IL1R2: variants seen among roughly 807,000 people sequenced by gnomAD.
IL1R2 encodes the protein interleukin 1 receptor type 2, also known as interleukin-1 receptor type 2.
A neutral mutation model predicts 39.5 loss-of-function variants in IL1R2; 46 were observed. That is an observed-to-expected ratio of 1.16 (90% CI 0.92 to 1.49). IL1R2 has a LOEUF of 1.49. Among genes scored for constraint, IL1R2 ranks in the 40% most tolerant of loss-of-function variants. The pLI is 0.00. For missense variants in IL1R2, 537 were observed against 502.0 expected (o/e 1.07, Z -0.67); for synonymous variants, 207 against 189.6 (o/e 1.09, Z -0.75).
At chr2:102,020,040 T>C (rs1229179877) in intron 5 of IL1R2, among the ~76,000 whole-genome samples, 1 of 152,176 alleles carries the variant, frequency 6.6e-6, no homozygotes, top group Admixed American at 6.5e-5. Context: ...GGGAAGGTTA[T>C]AGGGTTGCAA....
At chr2:102,008,760 C>T (rs572880771) in intron 2 of IL1R2, 118 bp downstream of exon 2, 10 of 833,094 alleles carry the variant, frequency 1.2e-5, no homozygotes, top group East Asian at 1.0e-4. Context: ...CGGTGGCTGC[C>T]GGCTGTAATG....
At chr2:102,017,355 C>G (rs1410290896) in intron 4 of IL1R2, among the ~76,000 whole-genome samples, 1 of 150,042 alleles carries the variant, frequency 6.7e-6, no homozygotes, top group Non-Finnish European at 1.5e-5. Flanking sequence ...CAAGATCACG[C>G]CATTGCACTC....
At chr2:102,003,092 GTCTATGT>G in intron 1 of IL1R2, among the ~76,000 whole-genome samples, 1 of 117,996 alleles carries the variant, frequency 8.5e-6, no homozygotes, top group African/African-American at 2.6e-5. Context: ...CCGTGTCTGT[GTCTATGT>G]CTGTGTCTAT....
intron 3 of IL1R2, among the ~76,000 whole-genome samples, chr2:102,013,554 G>GAAAAAAAAAA (rs1577711343): frequency 2.8e-4 from 9 of 31,628 alleles, no homozygotes; most frequent in South Asian, 1.1e-3. Flanking sequence ...AAAAAAAAAG[G>GAAAAAAAAAA]AAAGAAAGAA....
intron 3 of IL1R2, among the ~76,000 whole-genome samples, chr2:102,012,622 A>C (rs188659920): frequency 6.6e-6 from 1 of 152,210 alleles, no homozygotes; most frequent in East Asian, 1.9e-4. Context: ...ACTACCATCC[A>C]TATGTCTAGC....
At chr2:101,992,748 CAGAG>C (rs537740781) in intron 1 of IL1R2, among the ~76,000 whole-genome samples, 1 of 151,252 alleles carries the variant, frequency 6.6e-6, no homozygotes, top group Admixed American at 6.6e-5. Context: ...AACACAGAGA[CAGAG>C]AGAGAGAGAC....
At chr2:101,995,729 T>C (rs1036644886) in intron 1 of IL1R2, among the ~76,000 whole-genome samples, 4 of 152,216 alleles carry the variant, frequency 2.6e-5, no homozygotes, top group African/African-American at 9.6e-5. Context: ...TTGCTCATGC[T>C]ACAGCATCGT....
chr2:102,014,803 T>C (rs1488736380), intron 3 of IL1R2, among the ~76,000 whole-genome samples: 1 of 151,794 alleles, frequency 6.6e-6, no homozygotes, highest in Admixed American at 6.6e-5. Context: ...TTTTTATATT[T>C]TTCTACTTAA....
intron 8 of IL1R2, 96 bp from the exon 9 acceptor site, chr2:102,028,130 T>C (rs1301832280): frequency 2.8e-6 from 3 of 1,071,278 alleles, no homozygotes; most frequent in Non-Finnish European, 3.8e-6. Context: ...AAAAACAAAC[T>C]CCAATTTCTT....
intron 3 of IL1R2, among the ~76,000 whole-genome samples, chr2:102,013,576 G>GAAAAAAAAAAAAAAAAAAAAA (rs1559421494): frequency 1.8e-5 from 1 of 54,720 alleles, no homozygotes; most frequent in South Asian, 5.7e-4. Context: ...AGAAAAGAAG[G>GAAAAAAAAAAAAAAAAAAAAA]AAAAGAAAAA....
At chr2:102,023,132 C>A (rs1419018372) in intron 6 of IL1R2, among the ~76,000 whole-genome samples, 1 of 152,204 alleles carries the variant, frequency 6.6e-6, no homozygotes. Flanking sequence ...ATTTATGAAA[C>A]CCTGGCTGCA....
intron 1 of IL1R2, among the ~76,000 whole-genome samples, chr2:101,995,817 C>T (rs1000990910): frequency 2.6e-5 from 4 of 152,166 alleles, no homozygotes; most frequent in Non-Finnish European, 5.9e-5. Flanking sequence ...ACAGAATTTA[C>T]GGAGACCAGC....
At chr2:102,019,280 A>G (rs535024309) in intron 4 of IL1R2, among the ~76,000 whole-genome samples, 1 of 152,338 alleles carries the variant, frequency 6.6e-6, no homozygotes, top group Admixed American at 6.5e-5. Context: ...GACGATTTAT[A>G]GTGCTCTTCC....
intron 1 of IL1R2, among the ~76,000 whole-genome samples, chr2:102,007,117 G>A (rs1676315983): frequency 1.3e-5 from 2 of 152,142 alleles, no homozygotes; most frequent in South Asian, 4.1e-4. Context: ...TCAGTTCTGG[G>A]GTCGTTGGTT....
In IL1R2 at chr2:102,009,733, G is replaced by A; in HGVS notation, c.239G>A (p.Gly80Glu). 6.2e-7 allele frequency: 1 copy of A among 1,614,220 alleles called. No individual in the cohort carries two copies. The highest frequency in any genetic ancestry group is 8.5e-7 in the Non-Finnish European group (1 of 1,180,044). Residue 80 changes from glycine (G) to glutamate (E), a missense_variant, in exon 3 of 9, where the codon GGA (glycine) becomes GAA (glutamate). Coordinates refer to ENST00000332549, the MANE Select transcript of IL1R2 (RefSeq NM_004633.4). ...AATGACTCTGCTAGGACGGTCCCAG[G>A]AGAAGAAGAGACACGGATGTGGGCC... ...HKNDSARTVP[G>E]EEETRMWAQD...
chr2:102,026,036 T>G, intron 7 of IL1R2, 75 bp from the exon 8 acceptor site: 1 of 1,210,548 alleles, frequency 8.3e-7, no homozygotes, highest in South Asian at 1.4e-5. Flanking sequence ...AAGGAGAGTG[T>G]TTAGATGTCT....
intron 1 of IL1R2, among the ~76,000 whole-genome samples, chr2:101,997,007 C>A (rs1577675791): frequency 6.6e-6 from 1 of 152,236 alleles, no homozygotes; most frequent in East Asian, 1.9e-4. Flanking sequence ...GATGTTCACT[C>A]TTCCAGTTTC....
At chr2:102,010,574 TAAAAA>T (rs35560069) in intron 3 of IL1R2, among the ~76,000 whole-genome samples, 1 of 126,946 alleles carries the variant, frequency 7.9e-6, no homozygotes, top group African/African-American at 3.0e-5. Flanking sequence ...AGACTCTGTC[TAAAAA>T]AAAAAAAAAA....
At chr2:102,025,769 C>T (rs1677706500) in intron 7 of IL1R2, among the ~76,000 whole-genome samples, 2 of 152,178 alleles carry the variant, frequency 1.3e-5, no homozygotes, top group Non-Finnish European at 2.9e-5. Context: ...ACTCAAGTTT[C>T]CTCAAACTAG....
Sources: allele counts gnomAD v4.1 joint callset (sites outside exome capture counted in the v4.1 genomes callset), GRCh38; gene constraint gnomAD v4.1.1; transcripts MANE v1.5; gene names NCBI Gene and HGNC (gene_info 2026-07-23, HGNC 2026-07-21).